Variants in DCHS2 observed in about 807,000 individuals in gnomAD.
DCHS2 encodes dachsous cadherin-related 2, also known as protocadherin-23.
DCHS2 carries 142 observed loss-of-function variants against 182.4 expected under a neutral mutation model. That is an observed-to-expected ratio of 0.78 (90% CI 0.68 to 0.89). DCHS2 has a LOEUF of 0.89. Ranked by LOEUF, DCHS2 falls within the 40% of genes least tolerant of loss-of-function variation. The probability of loss-of-function intolerance (pLI) is 0.00; values close to 1 mark genes in which losing one functional copy is unlikely to be tolerated. For missense variants in DCHS2, 4,319 were observed against 4,198.6 expected, an observed-to-expected ratio of 1.03 and a Z score of -0.79; for synonymous variants, 1,740 against 1,663.3, an observed-to-expected ratio of 1.05 and a Z score of -1.12.
intron 3 of DCHS2, among the ~76,000 whole-genome samples, chr4:154,357,991 C>T (rs1729952040): frequency 1.3e-5 from 2 of 152,118 alleles, no homozygotes; most frequent in Non-Finnish European, 2.9e-5. Context: ...ATAGTAAGTT[C>T]TCTGAGTAGC....
At chr4:154,460,409 T>A (rs557714429) in intron 1 of DCHS2, among the ~76,000 whole-genome samples, 1 of 152,330 alleles carries the variant, frequency 6.6e-6, no homozygotes, top group South Asian at 2.1e-4. Context: ...AAATTAGGCA[T>A]CCTGACTCCA....
At chr4:154,265,352 T>G (rs1332636531) in intron 14 of DCHS2, among the ~76,000 whole-genome samples, 1 of 152,204 alleles carries the variant, frequency 6.6e-6, no homozygotes, top group African/African-American at 2.4e-5. Flanking sequence ...TAAGTCATAG[T>G]AAAAATGTTG....
At chr4:154,259,314 G>GTAA (rs1168842351) in intron 15 of DCHS2, among the ~76,000 whole-genome samples, 1 of 152,148 alleles carries the variant, frequency 6.6e-6, no homozygotes, top group African/African-American at 2.4e-5. Flanking sequence ...GCAGATGTCA[G>GTAA]TAATTGAGCA....
intron 2 of DCHS2, among the ~76,000 whole-genome samples, chr4:154,375,231 TA>T (rs1177459546): frequency 6.6e-6 from 1 of 151,936 alleles, no homozygotes; most frequent in South Asian, 2.1e-4. Flanking sequence ...AAGAAAACAA[TA>T]AGAGAACATC....
Position 154,377,336 on chromosome 4 carries a change from C to T in DCHS2, c.2161G>A (p.Asp721Asn), listed in dbSNP as rs762775533. Residue 721 changes from aspartate to asparagine, a missense_variant, in exon 2 of 20, where the codon GAT (aspartate) becomes AAT (asparagine). Transcript: ENST00000357232. ...APQAFRIDPH[D>N]GQICVSQDID... is the part of the protein sequence containing the mutation. ...TCTTGAGAAACACAGATTTGCCCAT[C>T]ATGAGGGTCGATCCGGAATGCCTGA... The T allele has an allele frequency of 1.2e-6, 2 of 1,613,700 alleles. No homozygotes were observed. The highest frequency in any genetic ancestry group is 2.2e-5 in the East Asian group (1 of 44,858).
rs753698431 is a variant in DCHS2, at chr4:154,320,246, C to T, written c.5020+133G>A. 417 of 1,368,944 alleles carry T rather than the reference C, an allele frequency of 3.0e-4. 1 individual carries two copies. The highest frequency in any genetic ancestry group is 3.7e-4 in the Non-Finnish European group (378 of 1,030,914). The allele number at this position is 1,368,944 out of a possible 1,614,324, so 84.8% of individuals were successfully genotyped here. The stretch of plus-strand genomic sequence containing the variant: ...GCAAGGTAAATAATATCTAGAGATA[C>T]GCTGTGCAACATTGAACTCACAGTC... On this transcript the variant is annotated intron_variant, in intron 9 of 19. Coordinates refer to ENST00000357232, the MANE Select transcript of DCHS2 (RefSeq NM_001358235.2).
chr4:154,459,373 C>T (rs568497786), intron 1 of DCHS2, among the ~76,000 whole-genome samples: 2 of 151,980 alleles, frequency 1.3e-5, no homozygotes, highest in East Asian at 1.9e-4. Context: ...AGGAATTTTA[C>T]GTTTCATTAA....
chr4:154,320,686 A>G lies in DCHS2; in HGVS notation c.4713T>C (p.Thr1571=), dbSNP rs1459427314. The change falls in exon 9 of 20, where the codon ACT becomes ACC. Residue 1571 remains threonine (T), a synonymous_variant. Coordinates refer to ENST00000357232, the MANE Select transcript of DCHS2 (RefSeq NM_001358235.2). ...TGCTTTCTCTGTCAAGACGGGACAC[A>G]GTGACTAGTGTGCCAAATGAGGGGT... ...LIHPSFGTLV[T]VSRLDRESIP... The G allele has an allele frequency of 6.2e-7, 1 of 1,614,126 alleles. No individual in the cohort carries two copies. The highest frequency in any genetic ancestry group is 1.1e-5 in the South Asian group (1 of 91,082).
At position 154,377,294 on chromosome 4, in the gene DCHS2, C is replaced by T. The variant is rs763717362; in HGVS notation, c.2203G>A (p.Asp735Asn). 1 of 1,613,602 alleles carries T rather than the reference C, an allele frequency of 6.2e-7. No homozygotes were observed. Among genetic ancestry groups the T allele is most frequent in the Non-Finnish European group, 8.5e-7 (1 of 1,179,696 alleles). The change falls in exon 2 of 20, where the codon GAT becomes AAT. Residue 735 changes from aspartate (D) to asparagine (N), a missense_variant. By Grantham distance (23) the Asp-to-Asn change is conservative (BLOSUM62 1). Transcript: ENST00000357232. ...ACCAGGAGATCATAGGTAGCTGGAT[C>T]CCTTTCCCTGTCGATATCTTGAGAA... Reference protein sequence around the residue: ...CVSQDIDRERDPATYDLLVEA... With the variant: ...CVSQDIDRERNPATYDLLVEA...
intron 1 of DCHS2, chr4:154,486,538 T>C: frequency 7.7e-7 from 1 of 1,303,554 alleles, no homozygotes; most frequent in Non-Finnish European, 1.0e-6. Context: ...AGAGGAAAAC[T>C]TGTAGATGGC....
intron 1 of DCHS2, among the ~76,000 whole-genome samples, chr4:154,430,298 G>GT (rs1334766029): frequency 6.6e-6 from 1 of 152,166 alleles, no homozygotes; most frequent in Non-Finnish European, 1.5e-5. Context: ...GCCATGAAAA[G>GT]TTTTCAGAGT....
Position 154,236,492 on chromosome 4 carries a change from T to G in DCHS2, c.8160A>C (p.Gly2720=). The G allele has an allele frequency of 6.2e-7, 1 of 1,614,018 alleles. No homozygotes were observed. Among genetic ancestry groups the G allele is most frequent in the South Asian group, 1.1e-5 (1 of 91,078 alleles). Residue 2720 remains glycine, a synonymous_variant, in exon 20 of 20, where the codon GGA becomes GGC. Transcript: ENST00000357232. ...KGHFYLEENT[G]VLYLIKPLDY... ...CCAGAGGTTTAATCAAATAAAGAACTCCAGTGTTTTCTTCTAAGTAAAAAT... is the reference window on the plus strand; with the variant it reads ...CCAGAGGTTTAATCAAATAAAGAACGCCAGTGTTTTCTTCTAAGTAAAAAT...
intron 1 of DCHS2, among the ~76,000 whole-genome samples, chr4:154,459,808 C>T (rs1228029989): frequency 1.3e-5 from 2 of 151,564 alleles, no homozygotes; most frequent in Middle Eastern, 3.2e-3. Flanking sequence ...CTCTTTCTCT[C>T]GCTCATGGTT....
At chr4:154,469,651 C>T (rs1466379789) in intron 1 of DCHS2, among the ~76,000 whole-genome samples, 1 of 152,176 alleles carries the variant, frequency 6.6e-6, no homozygotes, top group Non-Finnish European at 1.5e-5. Flanking sequence ...CCTGTTCTCC[C>T]CTTTGATCAC....
rs1333966087 is a variant in DCHS2 at position 154,232,824 on chromosome 4, T to G, written c.*1712A>C. 1 of 152,052 alleles carries G rather than the reference T, an allele frequency of 6.6e-6. No homozygotes were observed. Among genetic ancestry groups the G allele is most frequent in the Non-Finnish European group, 1.5e-5 (1 of 67,986 alleles). 9.4% of individuals were successfully genotyped at this position (152,052 alleles called of 1,614,324 possible). A position where few individuals can be genotyped will look rare whatever the true frequency, so the allele number is the denominator to read the frequency against. On this transcript the variant is annotated 3_prime_UTR_variant, in exon 20 of 20. Coordinates refer to ENST00000357232, the MANE Select transcript of DCHS2 (RefSeq NM_001358235.2). ...TATATCAGTCCCATAGTATTTAAAT[T>G]TTCTACTCCTAAAGGATTTTTCCTA...
intron 5 of DCHS2, 102 bp from the exon 6 acceptor site, chr4:154,329,812 A>G (rs573622940): frequency 2.2e-4 from 241 of 1,075,980 alleles, no homozygotes; most frequent in Non-Finnish European, 3.0e-4. Flanking sequence ...CTTTGAGCAA[A>G]TATGCGACTT....
At chr4:154,354,126 ATGT>A (rs1462305456) in intron 3 of DCHS2, among the ~76,000 whole-genome samples, 1 of 152,066 alleles carries the variant, frequency 6.6e-6, no homozygotes, top group Non-Finnish European at 1.5e-5. Flanking sequence ...GAGTTTCACC[ATGT>A]TGCCCAGACT....
chr4:154,262,993 G>C (rs1733059615), intron 14 of DCHS2, among the ~76,000 whole-genome samples: 1 of 152,080 alleles, frequency 6.6e-6, no homozygotes. Context: ...TGGAACAGAG[G>C]GTAAACTGGC....
chr4:154,481,146 G>A (rs114054382), intron 1 of DCHS2, among the ~76,000 whole-genome samples: 2,860 of 152,256 alleles, frequency 0.019, 80 homozygotes, highest in African/African-American at 0.064. Context: ...TGGAAGCCCT[G>A]GGTATTAATT....
Sources: allele counts gnomAD v4.1 joint callset (sites outside exome capture counted in the v4.1 genomes callset), GRCh38; gene constraint gnomAD v4.1.1; transcripts MANE v1.5; gene names NCBI Gene and HGNC (gene_info 2026-07-23, HGNC 2026-07-21).